The following HECTD3 variants were observed in gnomAD, a reference collection of about 807,000 sequenced individuals.
HECTD3 encodes E3 ubiquitin-protein ligase HECTD3.
HECTD3 carries 72 observed loss-of-function variants against 109.3 expected under a neutral mutation model. That is an observed-to-expected ratio of 0.66 (90% confidence interval 0.54 to 0.80). The LOEUF is 0.80. HECTD3 is among the 30% of genes least tolerant of loss of function. HECTD3 has a pLI of 0.00. For synonymous variants in HECTD3, 481 were observed against 471.8 expected (o/e 1.02, Z -0.25); for missense variants, 1,041 against 1,165.2 (o/e 0.89, Z 1.55).
chr1:45,007,141 T>C (rs1191218523), intron 11 of HECTD3, 78 bp downstream of exon 11: 2 of 1,425,902 alleles, frequency 1.4e-6, no homozygotes, highest in East Asian at 2.3e-5. Flanking sequence ...TGTGTGTGTG[T>C]GTGTGTGTGT....
Position 45,006,198 on chromosome 1 carries a change from C to A in HECTD3, c.1726-82G>T, listed in dbSNP as rs1399636674. 1.3e-6 allele frequency: 2 copies of A among 1,538,774 alleles called. No homozygotes were observed. The highest frequency in any genetic ancestry group is 1.4e-5 in the African/African-American group (1 of 73,670). On this transcript the variant is annotated intron_variant, in intron 13 of 20. Coordinates refer to ENST00000372172, the MANE Select transcript of HECTD3 (RefSeq NM_024602.6). This position sits in a 1 kb window ranked among gnomAD's most constrained non-coding sequence, Gnocchi z 4.7. ...CAAAGACTTCCCTGAACATTTTCCA[C>A]TGGGAACATTTTCCACTAAATGATC... is the stretch of plus-strand genomic sequence containing the variant.
intron 15 of HECTD3, 52 bp from the exon 16 acceptor site, chr1:45,004,858 C>G (rs373389312): frequency 1.3e-6 from 2 of 1,507,560 alleles, no homozygotes; most frequent in African/African-American, 2.7e-5. Flanking sequence ...GGAGATAGTC[C>G]CTGTCTTTCC....
In HECTD3 at chr1:45,006,542, T is replaced by A; in HGVS notation, c.1725+150A>T. ...TGGTCTTGAACTCCTGACCTCGTGATCTGCCCGCCTCGGCTTCCCAAAGTG... is the reference window on the plus strand; with the variant it reads ...TGGTCTTGAACTCCTGACCTCGTGAACTGCCCGCCTCGGCTTCCCAAAGTG... On this transcript the variant is annotated intron_variant, in intron 13 of 20. Coordinates refer to ENST00000372172, the MANE Select transcript of HECTD3 (RefSeq NM_024602.6). The surrounding 1 kb of genome is among the most constrained non-coding windows in gnomAD (Gnocchi z 4.7). 3.2e-6 allele frequency: 2 copies of A among 633,284 alleles called. No individual in the cohort carries two copies. The highest frequency in any genetic ancestry group is 5.5e-6 in the Non-Finnish European group (2 of 365,804). 39.2% of individuals were successfully genotyped at this position (633,284 alleles called of 1,614,324 possible).
Position 45,009,430 on chromosome 1 carries a change from C to G in HECTD3, c.928G>C (p.Val310Leu). The part of the protein sequence containing the change: ...TTDDNFMPKR[V>L]VVYGGEGDNL... ...TCCCCTTCACCCCCATAGACCACCA[C>G]CCGCTTTGGCATAAAGTTGTCATCT... Residue 310 changes from valine to leucine, a missense_variant, in exon 6 of 21, where the codon GTG becomes CTG. This residue lies in a region of HECTD3 where 472 missense variants were observed against 449.9 expected (regional missense o/e 1.05). Transcript: ENST00000372172. 1 of 1,614,214 alleles carries G rather than the reference C, an allele frequency of 6.2e-7. No individual in the cohort carries two copies. The highest frequency in any genetic ancestry group is 2.2e-5 in the East Asian group (1 of 44,894).
rs780382912 is a variant in HECTD3 at position 45,005,890 on chromosome 1, G to A, written c.1846-7C>T. On this transcript the variant is annotated splice_polypyrimidine_tract_variant and splice_region_variant and intron_variant, in intron 14 of 20. Coordinates refer to ENST00000372172, the MANE Select transcript of HECTD3 (RefSeq NM_024602.6). ...AACCAGGCAGGGCCAGGACCTGTGT[G>A]ACAAACACTCCCCACTGTCTTCTCA... 1.9e-6 allele frequency: 3 copies of A among 1,605,160 alleles called. No homozygotes were observed. Among genetic ancestry groups the A allele is most frequent in the East Asian group, 2.2e-5 (1 of 44,868 alleles).
At chr1:45,008,072 G>A (rs1644751866) in intron 9 of HECTD3, among the ~76,000 whole-genome samples, 168 bp downstream of exon 9, 1 of 152,240 alleles carries the variant, frequency 6.6e-6, no homozygotes, top group South Asian at 2.1e-4. Flanking sequence ...CTGGGGAACA[G>A]CCTCCCAAAC....
chr1:45,008,415 G>C (rs1644755126), intron 8 of HECTD3, 94 bp from the exon 9 acceptor site: 1 of 1,481,032 alleles, frequency 6.8e-7, no homozygotes, highest in Non-Finnish European at 9.4e-7. Flanking sequence ...GGCAGGACCT[G>C]GGGGCTTCTC....
chr1:45,004,112 T>C lies in HECTD3; in HGVS notation c.2295A>G (p.Pro765=), dbSNP rs1377438530. ...AGAAATACTGCACCCGCGAGTCAGA[T>C]GGCTCGAAGTCCTCAAACCGGGCTG... ...RKLTRFEDFE[P]SDSRVQYFWE... is the part of the protein sequence containing the mutation. Residue 765 remains proline, a synonymous_variant, in exon 18 of 21, where the codon CCA becomes CCG. Coordinates refer to ENST00000372172, the MANE Select transcript of HECTD3 (RefSeq NM_024602.6). 6 of 1,614,018 alleles carry C rather than the reference T, an allele frequency of 3.7e-6. No individual in the cohort carries two copies. The African/African-American group carries it at 5.3e-5, about 14-fold the overall frequency.
chr1:45,010,932 T>C lies in HECTD3; in HGVS notation c.326A>G (p.Glu109Gly). The C allele has an allele frequency of 1.3e-6, 2 of 1,545,584 alleles. No individual in the cohort carries two copies. Among genetic ancestry groups the C allele is most frequent in the African/African-American group, 1.4e-5 (1 of 71,432 alleles). Residue 109 changes from glutamate (E) to glycine (G), a missense_variant, in exon 1 of 21, where the codon GAG becomes GGG. By Grantham distance (98) the Glu-to-Gly change is moderately conservative (BLOSUM62 -2). Around this residue, in one of 2 missense-constraint regions of HECTD3, gnomAD observed 472 missense variants for 449.9 expected, o/e 1.05. Transcript: ENST00000372172. ...RRGACVRTTG[E>G]ELCNGHGLWV... is the part of the protein sequence containing the mutation. Reference sequence around the variant, plus strand: ...GAGCCCGTGGCCATTGCACAGCTCCTCGCCCGTGGTGCGCACGCAGGCGCC... The same window carrying C: ...GAGCCCGTGGCCATTGCACAGCTCCCCGCCCGTGGTGCGCACGCAGGCGCC...
At chr1:45,008,152 G>A (rs1644752468) in intron 9 of HECTD3, 88 bp downstream of exon 9, 7 of 1,028,532 alleles carry the variant, frequency 6.8e-6, no homozygotes, top group Middle Eastern at 5.6e-4. Flanking sequence ...TTGCCCTAGA[G>A]TAGATTTTAG....
chr1:45,007,124 A>C, intron 11 of HECTD3, 95 bp downstream of exon 11: 1 of 1,433,006 alleles, frequency 7.0e-7, no homozygotes, highest in Non-Finnish European at 9.5e-7. Context: ...TGCCTCGAGC[A>C]GTTGTGTGTG....
Position 45,011,161 on chromosome 1 carries a change from C to G in HECTD3, c.97G>C (p.Gly33Arg). 1 of 1,497,268 alleles carries G rather than the reference C, an allele frequency of 6.7e-7. No individual in the cohort carries two copies. Among genetic ancestry groups the G allele is most frequent in the Non-Finnish European group, 8.8e-7 (1 of 1,131,850 alleles). 92.7% of individuals were successfully genotyped at this position (1,497,268 alleles called of 1,614,324 possible). ...LAEAARSLRA[G>R]RPLPAALAFV... is the part of the protein sequence containing the mutation. ...GCCAGCGCTGCTGGCAGCGGCCGCCCGGCGCGGAGGCTCCGCGCTGCCTCT... is the reference window on the plus strand; with the variant it reads ...GCCAGCGCTGCTGGCAGCGGCCGCCGGGCGCGGAGGCTCCGCGCTGCCTCT... The change falls in exon 1 of 21, where the codon GGG becomes CGG. Residue 33 changes from glycine to arginine, a missense_variant. By Grantham distance (125) the Gly-to-Arg change is moderately radical. Transcript: ENST00000372172.
chr1:45,010,496 C>T, intron 2 of HECTD3, 50 bp downstream of exon 2: 1 of 1,608,806 alleles, frequency 6.2e-7, no homozygotes, highest in Non-Finnish European at 8.5e-7. Context: ...TTCCCAAGCC[C>T]TCCTGGCCCG....
In HECTD3 at chr1:45,010,526, C is replaced by G. The variant is rs770983281; in HGVS notation, c.530+20G>C. On this transcript the variant is annotated intron_variant, in intron 2 of 20. Coordinates refer to ENST00000372172, the MANE Select transcript of HECTD3 (RefSeq NM_024602.6). ...GGCCCGGCCTTCTGACAGCCAGCCC[C>G]GCTCCTTCAAGTGCAGTACCTGAGC... 3.1e-6 allele frequency: 5 copies of G among 1,612,994 alleles called. No individual in the cohort carries two copies. The African/African-American group carries it at 6.7e-5, about 22-fold the overall frequency.
Position 45,011,065 on chromosome 1 carries a change from C to A in HECTD3, c.193G>T (p.Val65Leu). ...AGCCCCAGGCCCTCTGCCTCCCACACCGGCAGAAGCACGCGCGACGGTCCC... is the reference window on the plus strand; with the variant it reads ...AGCCCCAGGCCCTCTGCCTCCCACAACGGCAGAAGCACGCGCGACGGTCCC... ...PAGPSRVLLP[V>L]WEAEGLGLRV... Residue 65 changes from valine (V) to leucine (L), a missense_variant, in exon 1 of 21, where the codon GTG becomes TTG. By Grantham distance (32) the Val-to-Leu change is conservative. Coordinates refer to ENST00000372172, the MANE Select transcript of HECTD3 (RefSeq NM_024602.6). 1 of 1,450,988 alleles carries A rather than the reference C, an allele frequency of 6.9e-7. No individual in the cohort carries two copies. The highest frequency in any genetic ancestry group is 9.0e-7 in the Non-Finnish European group (1 of 1,105,490). The allele number at this position is 1,450,988 out of a possible 1,614,324, so 89.9% of individuals were successfully genotyped here. A position where few individuals can be genotyped will look rare whatever the true frequency, so the allele number is the denominator to read the frequency against.
At position 45,004,663 on chromosome 1, in the gene HECTD3, A is replaced by G. The variant is rs1352171332; in HGVS notation, c.2079T>C (p.Tyr693=). ...IPGGAGIVVG[Y]GDRSRFIQLV... ...GTTGGATGAAACGAGAACGGTCCCC[A>G]TATCCCACGACGATGCCTGCACCCC... The change falls in exon 16 of 21, where the codon TAT becomes TAC. Residue 693 remains tyrosine (Y), a synonymous_variant. Coordinates refer to ENST00000372172, the MANE Select transcript of HECTD3 (RefSeq NM_024602.6). 3 of 1,614,176 alleles carry G rather than the reference A, an allele frequency of 1.9e-6. No individual in the cohort carries two copies. Among genetic ancestry groups the G allele is most frequent in the East Asian group, 2.2e-5 (1 of 44,882 alleles).
In HECTD3 at chr1:45,009,643, T is replaced by C; in HGVS notation, c.800A>G (p.Asp267Gly). The C allele has an allele frequency of 1.2e-6, 2 of 1,614,064 alleles. 1 individual carries two copies. The highest frequency in any genetic ancestry group is 2.2e-5 in the South Asian group (2 of 91,078). ...GGACCCATCGCTCTCCCAGTAGGTA[T>C]CGGCATTGCTGTCTGTCAGGCAGGA... The part of the protein sequence containing the change: ...NVSCLTDSNA[D>G]TYWESDGSQC... The change falls in exon 5 of 21, where the codon GAT becomes GGT. Residue 267 changes from aspartate (D) to glycine (G), a missense_variant. Transcript: ENST00000372172.
chr1:45,007,197 G>A (rs1644743939), intron 11 of HECTD3, 22 bp downstream of exon 11: 2 of 1,604,448 alleles, frequency 1.2e-6, no homozygotes, highest in Admixed American at 1.7e-5. Context: ...TCCCGAGTAA[G>A]TCCCTCACTC....
chr1:45,010,914 TG>T lies in HECTD3; in HGVS notation c.343del (p.His115ThrfsTer5). On this transcript the variant is annotated frameshift_variant, in exon 1 of 21. Coordinates refer to ENST00000372172, the MANE Select transcript of HECTD3 (RefSeq NM_024602.6). LOFTEE classifies it high-confidence loss of function. ...RTTGEELCNG[H>X]GLWVKLTKEQ... ...CTTTGTCAGCTTCACCCAGAGCCCG[TG>T]GCCATTGCACAGCTCCTCGCCCGTG... The T allele has an allele frequency of 6.5e-7, 1 of 1,546,184 alleles. No homozygotes were observed. The highest frequency in any genetic ancestry group is 1.2e-5 in the South Asian group (1 of 83,396).
Sources: allele counts gnomAD v4.1 joint callset (sites outside exome capture counted in the v4.1 genomes callset), GRCh38; gene constraint gnomAD v4.1.1; regional missense constraint gnomAD v4.1.1; non-coding constraint Gnocchi (gnomAD v3.1); transcripts MANE v1.5; gene names NCBI Gene and HGNC (gene_info 2026-07-23, HGNC 2026-07-21).